The following GPD1L variants were observed in gnomAD, a reference collection of about 807,000 sequenced individuals.
GPD1L encodes the protein glycerol-3-phosphate dehydrogenase 1-like protein.
GPD1L carries 17 observed loss-of-function variants against 32.9 expected under a neutral mutation model. The observed-to-expected ratio is 0.52, with a 90% CI of 0.35 to 0.78. The LOEUF is 0.78. Among genes scored for constraint, GPD1L ranks in the 30% least tolerant of loss-of-function variants. The pLI, the probability that GPD1L is intolerant of heterozygous loss-of-function variation, is 0.01. For missense variants in GPD1L, 361 were observed against 447.8 expected, an observed-to-expected ratio of 0.81 and a Z score of 1.75; for synonymous variants, 187 against 165.9, an observed-to-expected ratio of 1.13 and a Z score of -0.98.
chr3:32,124,101 T>G (rs1014608204), intron 1 of GPD1L, among the ~76,000 whole-genome samples: 2 of 152,220 alleles, frequency 1.3e-5, no homozygotes, highest in Non-Finnish European at 1.5e-5. Flanking sequence ...AGTCTTCCTC[T>G]GTAGCCCAAG....
chr3:32,131,928 G>A (rs1700592668), intron 2 of GPD1L, among the ~76,000 whole-genome samples: 2 of 152,180 alleles, frequency 1.3e-5, no homozygotes, highest in South Asian at 4.1e-4. Flanking sequence ...ATCCTAGCGA[G>A]TATCTCATTC....
At chr3:32,146,399 G>A (rs376777133) in intron 4 of GPD1L, among the ~76,000 whole-genome samples, 9 of 152,130 alleles carry the variant, frequency 5.9e-5, no homozygotes, top group African/African-American at 2.2e-4. Context: ...AAAAACTTTA[G>A]ATTCACATTC....
intron 7 of GPD1L, 36 bp downstream of exon 7, chr3:32,159,710 G>A (rs375589412): frequency 1.6e-6 from 2 of 1,217,346 alleles, no homozygotes. Flanking sequence ...CCAGATAAAT[G>A]TCCATCATTC....
chr3:32,119,620 C>G (rs1430415988), intron 1 of GPD1L, among the ~76,000 whole-genome samples: 4 of 152,204 alleles, frequency 2.6e-5, no homozygotes, highest in African/African-American at 9.7e-5. Flanking sequence ...ATCTAATACT[C>G]TGGCATTTGG....
intron 2 of GPD1L, among the ~76,000 whole-genome samples, chr3:32,132,633 T>C (rs145777313): frequency 6.2e-4 from 94 of 152,270 alleles, no homozygotes; most frequent in African/African-American, 2.2e-3. Context: ...GTTCATCAGA[T>C]CACTGGGAGA....
chr3:32,120,048 G>A (rs959533490), intron 1 of GPD1L, among the ~76,000 whole-genome samples: 2 of 151,930 alleles, frequency 1.3e-5, no homozygotes, highest in Admixed American at 1.3e-4. Context: ...CTGCCGGCCG[G>A]ACACAGTGGC....
intron 4 of GPD1L, among the ~76,000 whole-genome samples, chr3:32,143,589 A>G (rs974655971): frequency 1.3e-5 from 2 of 152,192 alleles, no homozygotes; most frequent in African/African-American, 4.8e-5. Flanking sequence ...CACACTTATT[A>G]TCTTAGCACT....
chr3:32,115,759 T>A (rs932858639), intron 1 of GPD1L, among the ~76,000 whole-genome samples: 3 of 12,232 alleles, frequency 2.5e-4, no homozygotes, highest in African/African-American at 9.7e-4. Flanking sequence ...TACGTTGAAC[T>A]TTTTTTTTTT....
chr3:32,133,579 G>T (rs936829501), intron 2 of GPD1L, among the ~76,000 whole-genome samples: 1 of 152,164 alleles, frequency 6.6e-6, no homozygotes, highest in African/African-American at 2.4e-5. Flanking sequence ...GGGAGAAGCT[G>T]TTCTTATTTT....
At chr3:32,161,462 C>A (rs1240131073) in intron 7 of GPD1L, among the ~76,000 whole-genome samples, 1 of 152,084 alleles carries the variant, frequency 6.6e-6, no homozygotes, top group South Asian at 2.1e-4. Flanking sequence ...ACTTTAATGA[C>A]CACTGAGCAT....
intron 5 of GPD1L, among the ~76,000 whole-genome samples, chr3:32,147,214 A>T (rs998153602): frequency 4.8e-5 from 2 of 41,504 alleles, no homozygotes; most frequent in African/African-American, 6.5e-4. Flanking sequence ...TTTGCCCTCA[A>T]GAGAGAGAAG....
At chr3:32,115,094 C>G (rs1575106890) in intron 1 of GPD1L, among the ~76,000 whole-genome samples, 1 of 152,324 alleles carries the variant, frequency 6.6e-6, no homozygotes, top group East Asian at 1.9e-4. Context: ...GCTTCTATTC[C>G]TTTATTTGGC....
chr3:32,146,967 GT>G lies in GPD1L; in HGVS notation c.618+234del, dbSNP rs555588854. 1.3e-4 allele frequency among the ~76,000 whole-genome samples: 20 copies of G among 152,296 alleles called. No homozygotes were observed. In the East Asian group the frequency reaches 3.9e-3, roughly 29 times the overall value. On this transcript the variant is annotated intron_variant, in intron 5 of 7. Coordinates refer to ENST00000282541, the MANE Select transcript of GPD1L (RefSeq NM_015141.4). ...AATATGGGGGAATTGTGATGTTTTG[GT>G]CTTTGGGAAGTTGGCAGCATTGATA...
chr3:32,138,728 G>C lies in GPD1L; in HGVS notation c.366+1G>C. The C allele has an allele frequency of 6.2e-7, 1 of 1,613,922 alleles. No homozygotes were observed. The highest frequency in any genetic ancestry group is 8.5e-7 in the Non-Finnish European group (1 of 1,179,886). On this transcript the variant is annotated splice_donor_variant, in intron 3 of 7. Transcript: ENST00000282541. LOFTEE classifies it high-confidence loss of function. The stretch of plus-strand genomic sequence containing the variant: ...AGCGCTGGGAATCACCCTCATCAAG[G>C]TAACTCGAGTGCATGCTGCCCAGGG...
rs149732835 is a variant in GPD1L at position 32,142,406 on chromosome 3, C to G, written c.505+2040C>G. 5.9e-3 allele frequency among the ~76,000 whole-genome samples: 892 copies of G among 152,256 alleles called. 10 individuals are homozygous for G. The highest frequency in any genetic ancestry group is 0.02 in the African/African-American group (819 of 41,554). ...TGCTGGGATTACAGATGTGAGCCAC[C>G]GCGCCCGGCTGATTTCATTCTTTTT... On this transcript the variant is annotated intron_variant, in intron 4 of 7. Coordinates refer to ENST00000282541, the MANE Select transcript of GPD1L (RefSeq NM_015141.4).
chr3:32,119,910 T>A (rs528577906), intron 1 of GPD1L, among the ~76,000 whole-genome samples: 1 of 152,274 alleles, frequency 6.6e-6, no homozygotes, highest in East Asian at 1.9e-4. Flanking sequence ...GACTGTAGGG[T>A]CCTTTCTGGC....
At chr3:32,165,171 A>C (rs1701128069) in intron 7 of GPD1L, among the ~76,000 whole-genome samples, 1 of 152,150 alleles carries the variant, frequency 6.6e-6, no homozygotes, top group East Asian at 1.9e-4. Flanking sequence ...ATGCCACCGC[A>C]CTCCAGCCTG....
At chr3:32,123,134 T>C (rs1700447696) in intron 1 of GPD1L, among the ~76,000 whole-genome samples, 1 of 152,100 alleles carries the variant, frequency 6.6e-6, no homozygotes, top group African/African-American at 2.4e-5. Flanking sequence ...ACTCCTGGGC[T>C]CAAGAAATGC....
At chr3:32,134,699 G>A (rs1314397141) in intron 2 of GPD1L, among the ~76,000 whole-genome samples, 1 of 151,960 alleles carries the variant, frequency 6.6e-6, no homozygotes, top group Admixed American at 6.6e-5. Context: ...TGTTGCTTAG[G>A]CTGGTCTTGA....
Sources: gnomAD v4.1 joint callset for allele counts (sites outside exome capture counted in the v4.1 genomes callset) on GRCh38, gnomAD v4.1.1 for gene constraint, MANE v1.5 for transcripts, NCBI Gene and HGNC (gene_info 2026-07-23, HGNC 2026-07-21) for gene names.